PIWIL1: variants seen among roughly 807,000 people sequenced by gnomAD.
PIWIL1 encodes piwi-like protein 1.
A neutral mutation model predicts 114.4 loss-of-function variants in PIWIL1; 73 were observed. The ratio of observed to expected loss-of-function variants is 0.64; its 90% CI spans 0.53 to 0.78. The LOEUF (loss-of-function observed/expected upper bound fraction) is 0.78, where lower values mean the gene tolerates loss of function less well. PIWIL1 is among the 30% of genes least tolerant of loss of function. The probability of loss-of-function intolerance (pLI) is 0.00; values close to 1 mark genes in which losing one functional copy is unlikely to be tolerated. For synonymous variants in PIWIL1, 375 were observed against 369.0 expected, an observed-to-expected ratio of 1.02 and a Z score of -0.19; for missense variants, 723 against 1,063.1, an observed-to-expected ratio of 0.68 and a Z score of 4.45.
chr12:130,407,868 G>A, the PIWIL1 span: 2 of 1,572,406 alleles, frequency 1.3e-6, no homozygotes, highest in Non-Finnish European at 8.8e-7. Context: ...CCATCATGAG[G>A]TTATTTCAAA....
the PIWIL1 span, chr12:130,396,694 A>AAGTT: frequency 1.3e-5 from 2 of 152,652 alleles, no homozygotes; most frequent in East Asian, 1.9e-4. Flanking sequence ...TTACCAAACA[A>AAGTT]AGTTACTTTC....
chr12:130,423,691 C>CTT, the PIWIL1 span, among the ~76,000 whole-genome samples: 58 of 99,040 alleles, frequency 5.9e-4, 1 homozygote, highest in South Asian at 1.4e-3. Context: ...TTTCTTCAAT[C>CTT]TTTTTTTTTT....
downstream of PIWIL1, chr12:130,372,662 A>G (rs1166945609): frequency 2.0e-5 from 3 of 147,490 alleles, no homozygotes; most frequent in Non-Finnish European, 4.5e-5. Context: ...TCTCTTACGA[A>G]CTCTAATGTC....
rs1189539440 is a variant in PIWIL1, at chr12:130,371,410, G to A, written c.2470-72G>A. The A allele has an allele frequency of 4.3e-6, 7 of 1,609,804 alleles. No homozygotes were observed. The Admixed American group carries it at 5.0e-5, about 12-fold the overall frequency. On this transcript the variant is annotated intron_variant, in intron 20 of 20. Transcript: ENST00000245255. ...AGCTGTGGTTTAAAAGGCTTTTAGGGTTAATACTGAGATTTGCAATTGAAA... is the reference window on the plus strand; with the variant it reads ...AGCTGTGGTTTAAAAGGCTTTTAGGATTAATACTGAGATTTGCAATTGAAA...
the PIWIL1 span, among the ~76,000 whole-genome samples, chr12:130,409,317 T>G: frequency 7.1e-6 from 1 of 140,084 alleles, no homozygotes; most frequent in Non-Finnish European, 1.5e-5. Context: ...TAAAAGGGAC[T>G]CATACAAAAT....
intron 4 of PIWIL1, 124 bp from the exon 5 acceptor site, chr12:130,346,246 T>C: frequency 1.4e-6 from 1 of 693,690 alleles, no homozygotes. Context: ...TCTGAGGACT[T>C]TCATGTTGTC....
At chr12:130,365,020 C>A (rs1374997057) in intron 18 of PIWIL1, among the ~76,000 whole-genome samples, 1 of 152,114 alleles carries the variant, frequency 6.6e-6, no homozygotes, top group Non-Finnish European at 1.5e-5. Context: ...GAAGGACTGG[C>A]AGAAATGGCT....
At chr12:130,355,747 G>A (rs760685479) in intron 12 of PIWIL1, 80 bp downstream of exon 12, 31 of 960,838 alleles carry the variant, frequency 3.2e-5, no homozygotes, top group Non-Finnish European at 4.4e-5. Context: ...GTACAGTGGT[G>A]CAATCTCAGC....
chr12:130,359,534 G>T (rs998480436), intron 14 of PIWIL1, among the ~76,000 whole-genome samples: 1 of 152,130 alleles, frequency 6.6e-6, no homozygotes, highest in South Asian at 2.1e-4. Context: ...TTTTATTCAG[G>T]TTCTCTCAAC....
Position 130,345,572 on chromosome 12 carries a change from A to G in PIWIL1, c.191-181A>G, listed in dbSNP as rs987845619. ...CAAGGCCTTTATGAATGAAGTTATAACTAGGAAACCATTCTCTCGTTAGGC... is the reference window on the plus strand; with the variant it reads ...CAAGGCCTTTATGAATGAAGTTATAGCTAGGAAACCATTCTCTCGTTAGGC... On this transcript the variant is annotated intron_variant, in intron 3 of 20. Transcript: ENST00000245255. 11 of 590,090 alleles carry G rather than the reference A, an allele frequency of 1.9e-5. No homozygotes were observed. The Admixed American group carries it at 3.5e-4, about 19-fold the overall frequency. The allele number at this position is 590,090 out of a possible 1,614,324, so 36.6% of individuals were successfully genotyped here. A position where few individuals can be genotyped will look rare whatever the true frequency, so the allele number is the denominator to read the frequency against.
chr12:130,356,467 G>A (rs1324766600), intron 12 of PIWIL1, among the ~76,000 whole-genome samples: 1 of 152,080 alleles, frequency 6.6e-6, no homozygotes, highest in Non-Finnish European at 1.5e-5. Context: ...ACCAGCACTC[G>A]GGTGCTGTGC....
the PIWIL1 span, among the ~76,000 whole-genome samples, chr12:130,400,847 C>T: frequency 2.0e-5 from 3 of 152,182 alleles, no homozygotes; most frequent in Admixed American, 2.0e-4. Context: ...CCAGTCACCA[C>T]GAATCTCCAG....
intron 18 of PIWIL1, among the ~76,000 whole-genome samples, chr12:130,365,601 G>A (rs2073633676): frequency 6.6e-6 from 1 of 152,216 alleles, no homozygotes; most frequent in African/African-American, 2.4e-5. Flanking sequence ...TCACAGGGCA[G>A]CTGATTTAGA....
At chr12:130,386,173 G>C in the PIWIL1 span, among the ~76,000 whole-genome samples, 2 of 151,614 alleles carry the variant, frequency 1.3e-5, no homozygotes, top group East Asian at 3.9e-4. Context: ...TAAGTAGATT[G>C]TTTGTTTCTT....
At chr12:130,341,166 T>C (rs918051245) in intron 1 of PIWIL1, among the ~76,000 whole-genome samples, 1 of 152,224 alleles carries the variant, frequency 6.6e-6, no homozygotes, top group Non-Finnish European at 1.5e-5. Flanking sequence ...GTATCCAAGC[T>C]GTCTGCAGGA....
chr12:130,391,330 C>T, the PIWIL1 span, among the ~76,000 whole-genome samples: 1 of 152,222 alleles, frequency 6.6e-6, no homozygotes, highest in Non-Finnish European at 1.5e-5. Flanking sequence ...GCTCTCTCTC[C>T]TTTTCCCTCA....
At chr12:130,370,888 C>T (rs924984509) in intron 19 of PIWIL1, among the ~76,000 whole-genome samples, 3 of 152,126 alleles carry the variant, frequency 2.0e-5, no homozygotes, top group East Asian at 1.9e-4. Context: ...AGTATGCCAT[C>T]GTTTTTAGCG....
rs760847640 is a variant in PIWIL1 at position 130,371,605 on chromosome 12, G to A, written c.*7G>A. On this transcript the variant is annotated 3_prime_UTR_variant, in exon 21 of 21. Transcript: ENST00000245255. ...CCGCCTTTACTACCTCTAACCTGCA[G>A]AAGACGATGCAGCCGCTTTTCTTTT... 3.3e-6 allele frequency: 5 copies of A among 1,513,258 alleles called. No homozygotes were observed. In the African/African-American group the frequency reaches 6.9e-5, roughly 21 times the overall value. The allele number at this position is 1,513,258 out of a possible 1,614,324, so 93.7% of individuals were successfully genotyped here. A position where few individuals can be genotyped will look rare whatever the true frequency, so the allele number is the denominator to read the frequency against.
the PIWIL1 span, chr12:130,424,737 C>G: frequency 5.7e-6 from 7 of 1,232,172 alleles, no homozygotes; most frequent in Non-Finnish European, 7.1e-6. The surrounding 1 kb of genome is among the most constrained non-coding windows in gnomAD (Gnocchi z 9.8). Context: ...TAGCAGCCCA[C>G]AGCACTCTCC....
Sources: allele counts gnomAD v4.1 joint callset (sites outside exome capture counted in the v4.1 genomes callset), GRCh38; gene constraint gnomAD v4.1.1; non-coding constraint Gnocchi (gnomAD v3.1); transcripts MANE v1.5; gene names NCBI Gene and HGNC (gene_info 2026-07-23, HGNC 2026-07-21).